IQCM: variants seen among roughly 807,000 people sequenced by gnomAD.
IQCM encodes the protein IQ domain-containing protein M.
IQCM carries 45 observed loss-of-function variants against 57.6 expected under a neutral mutation model. The observed-to-expected ratio is 0.78, with a 90% CI of 0.62 to 1.00. The LOEUF is 1.00. IQCM is among the 50% of genes least tolerant of loss of function. The probability of loss-of-function intolerance (pLI) is 0.00; values close to 1 mark genes in which losing one functional copy is unlikely to be tolerated. For synonymous variants in IQCM, 148 were observed against 158.9 expected (o/e 0.93, Z 0.51); for missense variants, 468 against 511.6 (o/e 0.91, Z 0.82).
At chr4:149,396,183 A>C (rs1176657622) in intron 13 of IQCM, among the ~76,000 whole-genome samples, 3 of 151,910 alleles carry the variant, frequency 2.0e-5, no homozygotes, top group African/African-American at 7.2e-5. Context: ...CAGGTGGTCA[A>C]TTTAATTCTA....
At chr4:149,694,063 A>G (rs1052774730) in intron 5 of IQCM, among the ~76,000 whole-genome samples, 4 of 152,246 alleles carry the variant, frequency 2.6e-5, no homozygotes, top group Admixed American at 6.5e-5. Context: ...GCACTTCCTT[A>G]TAATACCCAG....
At chr4:149,755,709 T>C (rs1561237780) in intron 2 of IQCM, among the ~76,000 whole-genome samples, 1 of 152,230 alleles carries the variant, frequency 6.6e-6, no homozygotes, top group Non-Finnish European at 1.5e-5. Context: ...CAGAGACTGC[T>C]AGCTGATTCC....
At chr4:149,783,844 G>A (rs1771836120) in intron 2 of IQCM, among the ~76,000 whole-genome samples, 1 of 152,100 alleles carries the variant, frequency 6.6e-6, no homozygotes, top group Admixed American at 6.5e-5. Context: ...TAGGACCTGA[G>A]GCAGCCTCCA....
chr4:149,636,280 A>T (rs766183215), intron 7 of IQCM, among the ~76,000 whole-genome samples: 1 of 152,224 alleles, frequency 6.6e-6, no homozygotes, highest in Non-Finnish European at 1.5e-5. Flanking sequence ...AAGAAAACAG[A>T]TAAAATTTTA....
chr4:149,518,638 T>C (rs1745247741), intron 12 of IQCM, among the ~76,000 whole-genome samples: 1 of 152,162 alleles, frequency 6.6e-6, no homozygotes, highest in South Asian at 2.1e-4. Context: ...AGAAGGTTTT[T>C]AAAAACTTGA....
intron 13 of IQCM, among the ~76,000 whole-genome samples, chr4:149,416,778 T>C (rs1456650890): frequency 1.3e-5 from 2 of 152,150 alleles, no homozygotes; most frequent in East Asian, 3.9e-4. Context: ...TTGTGTGGAA[T>C]ACAGACCAGG....
At chr4:149,456,112 A>G (rs1049156761) in intron 12 of IQCM, among the ~76,000 whole-genome samples, 3 of 152,182 alleles carry the variant, frequency 2.0e-5, no homozygotes, top group Non-Finnish European at 4.4e-5. Flanking sequence ...TAAGTTTTAC[A>G]TGACATGAGA....
chr4:149,532,459 G>A (rs1196029112), intron 12 of IQCM, among the ~76,000 whole-genome samples: 1 of 149,884 alleles, frequency 6.7e-6, no homozygotes, highest in Non-Finnish European at 1.5e-5. Context: ...TCCTGAAAAA[G>A]AGTTTTGGAA....
chr4:149,657,313 G>T (rs1759727070), intron 7 of IQCM, among the ~76,000 whole-genome samples: 1 of 152,044 alleles, frequency 6.6e-6, no homozygotes, highest in African/African-American at 2.4e-5. Context: ...TGATGTCCTT[G>T]AGTTTCATTC....
intron 13 of IQCM, among the ~76,000 whole-genome samples, chr4:149,407,968 T>C (rs1733102175): frequency 6.6e-6 from 1 of 152,196 alleles, no homozygotes; most frequent in African/African-American, 2.4e-5. Flanking sequence ...CTACAGTGTA[T>C]AAGCATTCCG....
intron 12 of IQCM, among the ~76,000 whole-genome samples, chr4:149,524,624 A>T (rs1745980198): frequency 6.6e-6 from 1 of 151,890 alleles, no homozygotes; most frequent in African/African-American, 2.4e-5. Flanking sequence ...AAATTTAAAT[A>T]ATAAAATAAG....
intron 2 of IQCM, among the ~76,000 whole-genome samples, chr4:149,789,432 C>T (rs1772373457): frequency 6.6e-6 from 1 of 152,154 alleles, no homozygotes; most frequent in Admixed American, 6.5e-5. Flanking sequence ...AGTATAGTGA[C>T]TTGAGGTAAG....
intron 7 of IQCM, among the ~76,000 whole-genome samples, chr4:149,644,737 T>A (rs1275888091): frequency 6.6e-6 from 1 of 152,172 alleles, no homozygotes; most frequent in African/African-American, 2.4e-5. Context: ...TGTGGGAGCT[T>A]GATAGAAATG....
intron 5 of IQCM, among the ~76,000 whole-genome samples, chr4:149,732,914 C>G (rs900762472): frequency 3.9e-5 from 6 of 152,150 alleles, no homozygotes; most frequent in African/African-American, 1.4e-4. Flanking sequence ...TGCTCAAAAA[C>G]AGAATTCAGG....
chr4:149,389,481 G>A (rs998879160), intron 13 of IQCM, among the ~76,000 whole-genome samples: 4 of 151,570 alleles, frequency 2.6e-5, no homozygotes, highest in African/African-American at 9.7e-5. Flanking sequence ...ATGATAGACT[G>A]GATTAAGAAA....
chr4:149,469,203 C>T (rs553457637), intron 12 of IQCM, among the ~76,000 whole-genome samples: 18 of 152,088 alleles, frequency 1.2e-4, no homozygotes, highest in Middle Eastern at 6.8e-3. Context: ...TTGAACCCAC[C>T]GTAAAGAAGC....
intron 2 of IQCM, among the ~76,000 whole-genome samples, chr4:149,753,604 T>A (rs6854202): frequency 0.39 from 59,268 of 151,184 alleles, 13,208 homozygotes; most frequent in East Asian, 0.59. Flanking sequence ...GGGAGGAGTG[T>A]TAGCATTAGG....
chr4:149,689,217 T>A (rs1043821992), intron 5 of IQCM, among the ~76,000 whole-genome samples: 1 of 152,192 alleles, frequency 6.6e-6, no homozygotes, highest in East Asian at 1.9e-4. Flanking sequence ...CACCATGGAA[T>A]ACTATGCAGC....
intron 7 of IQCM, among the ~76,000 whole-genome samples, chr4:149,622,347 T>C (rs530284706): frequency 3.0e-4 from 45 of 150,608 alleles, no homozygotes; most frequent in Middle Eastern, 3.4e-3. Flanking sequence ...GAATTCTTTT[T>C]TATTTTTTTT....
Sources: gnomAD v4.1 joint callset for allele counts (sites outside exome capture counted in the v4.1 genomes callset) on GRCh38, gnomAD v4.1.1 for gene constraint, MANE v1.5 for transcripts, NCBI Gene and HGNC (gene_info 2026-07-23, HGNC 2026-07-21) for gene names.